CCT8: variants seen among roughly 807,000 people sequenced by gnomAD.
CCT8 encodes chaperonin containing TCP1 subunit 8, also known as T-complex protein 1 subunit theta.
A neutral mutation model predicts 65.7 loss-of-function variants in CCT8; 10 were observed. The observed-to-expected ratio is 0.15, with a 90% CI of 0.09 to 0.26. The LOEUF (loss-of-function observed/expected upper bound fraction) is 0.26. Ranked by LOEUF, CCT8 falls within the 10% of genes least tolerant of loss-of-function variation. The probability of loss-of-function intolerance (pLI) is 1.00; values close to 1 mark genes in which losing one functional copy is unlikely to be tolerated. For missense variants in CCT8, 568 were observed against 669.1 expected, an observed-to-expected ratio of 0.85 and a Z score of 1.67; for synonymous variants, 199 against 221.8, an observed-to-expected ratio of 0.90 and a Z score of 0.92.
chr21:29,062,724 T>C, intron 8 of CCT8, 168 bp from the exon 9 acceptor site: 1 of 622,590 alleles, frequency 1.6e-6, no homozygotes, highest in Non-Finnish European at 2.8e-6. Flanking sequence ...GCCAGGAAGC[T>C]GATTCCTGAC....
intron 1 of CCT8, among the ~76,000 whole-genome samples, chr21:29,072,682 G>C (rs571786455): frequency 3.7e-4 from 57 of 152,168 alleles, no homozygotes; most frequent in Non-Finnish European, 6.5e-4. Context: ...CAACCACACT[G>C]ATCTATTTCT....
chr21:29,058,421 C>T (rs148641629), intron 14 of CCT8, among the ~76,000 whole-genome samples: 1,565 of 151,838 alleles, frequency 0.01, 18 homozygotes, highest in Middle Eastern at 0.058. Context: ...AGCCTGGTGA[C>T]AGAGCAAGAC....
intron 6 of CCT8, among the ~76,000 whole-genome samples, chr21:29,066,487 C>T (rs1285766499): frequency 6.6e-6 from 1 of 152,138 alleles, no homozygotes; most frequent in East Asian, 1.9e-4. Context: ...TGCGGTGAGC[C>T]GAGGTCATGT....
rs2085658423 is a variant in CCT8 at position 29,069,434 on chromosome 21, TTAAA to T, written c.216_219del (p.Leu73GlufsTer3). On this transcript the variant is annotated frameshift_variant, in exon 3 of 15. Transcript: ENST00000286788. LOFTEE classifies it high-confidence loss of function. ...AAGAAACAACTTACTTCTAGTTCTC[TTAAA>T]ATAGTTGCTGCATCGTTTGTCACAA... is the stretch of plus-strand genomic sequence containing the variant. 1 of 1,574,396 alleles carries T rather than the reference TTAAA, an allele frequency of 6.4e-7. No individual in the cohort carries two copies. Among genetic ancestry groups the T allele is most frequent in the African/African-American group, 1.4e-5 (1 of 72,980 alleles).
intron 1 of CCT8, among the ~76,000 whole-genome samples, chr21:29,072,481 T>A (rs900655568): frequency 3.3e-5 from 5 of 152,192 alleles, no homozygotes; most frequent in African/African-American, 9.7e-5. Context: ...AATTGGAAGC[T>A]ATTATCTCAG....
chr21:29,067,139 T>C, intron 4 of CCT8, 68 bp from the exon 5 acceptor site: 2 of 1,020,024 alleles, frequency 2.0e-6, no homozygotes. Context: ...ACCCAATGCA[T>C]ATGGATGTTT....
chr21:29,061,498 C>T lies in CCT8; in HGVS notation c.1282G>A (p.Glu428Lys). 6.2e-7 allele frequency: 1 copy of T among 1,613,890 alleles called. No individual in the cohort carries two copies. The highest frequency in any genetic ancestry group is 8.5e-7 in the Non-Finnish European group (1 of 1,179,802). The change falls in exon 12 of 15, where the codon GAG becomes AAG. Residue 428 changes from glutamate (E) to lysine (K), a missense_variant and splice_region_variant. By Grantham distance (56) the Glu-to-Lys change is moderately conservative. Transcript: ENST00000286788. Reference protein sequence around the residue: ...ELAKQITSYGETCPGLEQYAI... With the variant: ...ELAKQITSYGKTCPGLEQYAI... The stretch of plus-strand genomic sequence containing the variant: ...AATTTATACAGAAAAAGCTGTACCT[C>T]TCCATATGATGTGATCTGTTTGGCT...
At chr21:29,065,280 G>A (rs2085609545) in intron 6 of CCT8, among the ~76,000 whole-genome samples, 175 bp from the exon 7 acceptor site, 1 of 152,198 alleles carries the variant, frequency 6.6e-6, no homozygotes, top group African/African-American at 2.4e-5. Context: ...TTCTGCTCGA[G>A]GCAGAAATCA....
At chr21:29,062,302 A>C (rs1251652245) in intron 10 of CCT8, 26 bp downstream of exon 10, 2 of 1,607,018 alleles carry the variant, frequency 1.2e-6, no homozygotes, top group East Asian at 2.2e-5. Flanking sequence ...CCCTACACTT[A>C]AACATGTTTT....
intron 7 of CCT8, among the ~76,000 whole-genome samples, chr21:29,063,769 T>C (rs1164426839): frequency 1.3e-5 from 2 of 152,112 alleles, no homozygotes; most frequent in African/African-American, 4.8e-5. Context: ...AAAAGTACTT[T>C]TATCTATTTA....
chr21:29,070,477 G>A, intron 1 of CCT8, 140 bp from the exon 2 acceptor site: 1 of 487,034 alleles, frequency 2.1e-6, no homozygotes, highest in Non-Finnish European at 3.6e-6. Flanking sequence ...AAGAGGGCTG[G>A]TTGCAAATCT....
At chr21:29,056,780 CCA>C (rs546669129) in intron 14 of CCT8, among the ~76,000 whole-genome samples, 45 of 152,288 alleles carry the variant, frequency 3.0e-4, no homozygotes, top group South Asian at 4.1e-4. Context: ...GCAATAAAAT[CCA>C]CAGAGATTAG....
At position 29,062,425 on chromosome 21, in the gene CCT8, A is replaced by C; in HGVS notation, c.1009-10T>G. 2.5e-6 allele frequency: 4 copies of C among 1,612,898 alleles called. No individual in the cohort carries two copies. Among genetic ancestry groups the C allele is most frequent in the Non-Finnish European group, 3.4e-6 (4 of 1,178,870 alleles). ...CAAGGACAGGAGGTGTCTGTAAGAA[A>C]GTGACTGTTGTAATAAAAATTCCAT... On this transcript the variant is annotated splice_polypyrimidine_tract_variant and intron_variant, in intron 9 of 14. Transcript: ENST00000286788.
At chr21:29,068,359 C>T (rs2085646131) in intron 3 of CCT8, among the ~76,000 whole-genome samples, 1 of 152,116 alleles carries the variant, frequency 6.6e-6, no homozygotes, top group East Asian at 1.9e-4. Context: ...CATCAGTGTG[C>T]AACATTAACA....
In CCT8 at chr21:29,061,587, CA is replaced by C. The variant is rs567041193; in HGVS notation, c.1213-21del. 6,631 of 1,278,614 alleles carry C rather than the reference CA, an allele frequency of 5.2e-3. No individual in the cohort carries two copies. Among genetic ancestry groups the C allele is most frequent in the South Asian group, 6.9e-3 (437 of 63,298 alleles). The allele number at this position is 1,278,614 out of a possible 1,614,324, so 79.2% of individuals were successfully genotyped here. A position where few individuals can be genotyped will look rare whatever the true frequency, so the allele number is the denominator to read the frequency against. On this transcript the variant is annotated intron_variant, in intron 11 of 14. Transcript: ENST00000286788. ...TTTATCCTGTATGTAGCGCCCCCAC[CA>C]AAAAAAAAATGAACACAAAACAAAT...
Position 29,061,346 on chromosome 21 carries a change from C to T in CCT8, c.1356G>A (p.Leu452=), listed in dbSNP as rs1455296671. The T allele has an allele frequency of 1.9e-6, 3 of 1,613,954 alleles. No individual in the cohort carries two copies. The highest frequency in any genetic ancestry group is 2.5e-6 in the Non-Finnish European group (3 of 1,179,926). Reference sequence around the variant, plus strand: ...TGGCCTTAACTCCAGAGTTTTCTGCCAGTGCGCGGGGAATAGCTTCAAATG... The same window carrying T: ...TGGCCTTAACTCCAGAGTTTTCTGCTAGTGCGCGGGGAATAGCTTCAAATG... The part of the protein sequence containing the change: ...AEAFEAIPRA[L]AENSGVKANE... Residue 452 remains leucine (L), a synonymous_variant, in exon 13 of 15, where the codon CTG becomes CTA. Transcript: ENST00000286788.
At chr21:29,060,804 G>A in intron 13 of CCT8, 144 bp from the exon 14 acceptor site, 1 of 856,772 alleles carries the variant, frequency 1.2e-6, no homozygotes, top group South Asian at 1.7e-5. Context: ...CCTTTAGTAT[G>A]TGAGGATTGG....
At chr21:29,071,765 TAC>T (rs1012736297) in intron 1 of CCT8, among the ~76,000 whole-genome samples, 1 of 152,152 alleles carries the variant, frequency 6.6e-6, no homozygotes, top group African/African-American at 2.4e-5. Flanking sequence ...ACTCCTGGCT[TAC>T]ACTCTTGCTT....
At chr21:29,070,179 G>A (rs1414500567) in intron 2 of CCT8, 68 bp downstream of exon 2, 2 of 934,142 alleles carry the variant, frequency 2.1e-6, no homozygotes, top group East Asian at 2.6e-5. Context: ...CTCAGAACAA[G>A]TCTGAAAGAA....
Sources: allele counts gnomAD v4.1 joint callset (sites outside exome capture counted in the v4.1 genomes callset), GRCh38; gene constraint gnomAD v4.1.1; transcripts MANE v1.5; gene names NCBI Gene and HGNC (gene_info 2026-07-23, HGNC 2026-07-21).